CIMIP7: variants seen among roughly 807,000 people sequenced by gnomAD.
CIMIP7 encodes ciliary microtubule inner protein 7.
chr3:49,179,437 C>T, the CIMIP7 span, among the ~76,000 whole-genome samples: 2 of 152,188 alleles, frequency 1.3e-5, no homozygotes, highest in African/African-American at 4.8e-5. Flanking sequence ...ACAGTTCCTC[C>T]TATTTGTGAT....
the CIMIP7 span, among the ~76,000 whole-genome samples, chr3:49,186,738 A>ACACACACG: frequency 6.6e-6 from 1 of 152,002 alleles, no homozygotes; most frequent in Non-Finnish European, 1.5e-5. Flanking sequence ...CTCTTAATAC[A>ACACACACG]CACACACGCA....
the CIMIP7 span, chr3:49,177,956 C>CT: frequency 1.9e-6 from 3 of 1,613,676 alleles, no homozygotes; most frequent in Non-Finnish European, 2.5e-6. Context: ...TGGCGCAACT[C>CT]TATCTCACAG....
chr3:49,178,608 C>T, the CIMIP7 span: 1 of 1,385,380 alleles, frequency 7.2e-7, no homozygotes, highest in Admixed American at 1.9e-5. Context: ...ACCTGGATCA[C>T]TGCCTCAGGG....
At chr3:49,182,747 A>G in the CIMIP7 span, among the ~76,000 whole-genome samples, 1 of 152,148 alleles carries the variant, frequency 6.6e-6, no homozygotes, top group African/African-American at 2.4e-5. Flanking sequence ...CGGGCTGCAC[A>G]GGAGCCCAGG....
the CIMIP7 span, chr3:49,178,479 C>T: frequency 1.2e-6 from 2 of 1,613,320 alleles, no homozygotes; most frequent in South Asian, 1.1e-5. Flanking sequence ...CTTCGGCACT[C>T]ACTTTGTCAA....
At chr3:49,181,953 G>A in the CIMIP7 span, among the ~76,000 whole-genome samples, 1 of 152,268 alleles carries the variant, frequency 6.6e-6, no homozygotes, top group East Asian at 1.9e-4. Context: ...TGGTGGGTTC[G>A]TGGTCTCGCT....
the CIMIP7 span, chr3:49,177,797 C>T: frequency 1.9e-6 from 3 of 1,612,046 alleles, no homozygotes; most frequent in Non-Finnish European, 2.5e-6. Flanking sequence ...TAGTGGCCAC[C>T]CTGGGATGGG....
chr3:49,189,157 T>C, the CIMIP7 span, among the ~76,000 whole-genome samples: 55 of 152,178 alleles, frequency 3.6e-4, no homozygotes, highest in African/African-American at 1.3e-3. Flanking sequence ...TTAGTAGAGA[T>C]GGGGTTTCTC....
At chr3:49,179,468 T>C in the CIMIP7 span, among the ~76,000 whole-genome samples, 1 of 152,180 alleles carries the variant, frequency 6.6e-6, no homozygotes, top group African/African-American at 2.4e-5. Flanking sequence ...ATCATAGTGG[T>C]CTGTGAGACC....
chr3:49,183,195 T>G, the CIMIP7 span, among the ~76,000 whole-genome samples: 1 of 152,302 alleles, frequency 6.6e-6, no homozygotes, highest in Non-Finnish European at 1.5e-5. Context: ...ATATTCATCA[T>G]TAAACATCAG....
At chr3:49,184,738 C>T in the CIMIP7 span, among the ~76,000 whole-genome samples, 1 of 151,330 alleles carries the variant, frequency 6.6e-6, no homozygotes, top group African/African-American at 2.4e-5. Flanking sequence ...AAGCACTTCT[C>T]CTGCCTCAGC....
chr3:49,180,548 G>A, the CIMIP7 span, among the ~76,000 whole-genome samples: 1 of 152,208 alleles, frequency 6.6e-6, no homozygotes, highest in Non-Finnish European at 1.5e-5. Flanking sequence ...GGTAATGGCT[G>A]ACAGCAGGTC....
At chr3:49,188,694 A>G in the CIMIP7 span, among the ~76,000 whole-genome samples, 2 of 152,078 alleles carry the variant, frequency 1.3e-5, no homozygotes, top group African/African-American at 4.8e-5. Context: ...GAATGCCTTT[A>G]TCTGAGGCTG....
the CIMIP7 span, among the ~76,000 whole-genome samples, chr3:49,188,436 C>A: frequency 6.6e-6 from 1 of 152,166 alleles, no homozygotes; most frequent in Non-Finnish European, 1.5e-5. Flanking sequence ...CCACACTAGG[C>A]TCCCTTTGTT....
At chr3:49,187,947 C>T in the CIMIP7 span, among the ~76,000 whole-genome samples, 4 of 152,214 alleles carry the variant, frequency 2.6e-5, no homozygotes, top group South Asian at 4.1e-4. Flanking sequence ...CATTGATCAG[C>T]AGCCAAAACA....
At chr3:49,185,773 C>A in the CIMIP7 span, among the ~76,000 whole-genome samples, 1 of 151,534 alleles carries the variant, frequency 6.6e-6, no homozygotes, top group South Asian at 2.1e-4. Context: ...TCACTGCAAC[C>A]TCTGCCTCCT....
chr3:49,186,086 C>A, the CIMIP7 span, among the ~76,000 whole-genome samples: 2 of 150,286 alleles, frequency 1.3e-5, no homozygotes, highest in Admixed American at 1.3e-4. Flanking sequence ...CCACAACCTC[C>A]GCCTCCCGGG....
chr3:49,188,964 A>ATT, the CIMIP7 span, among the ~76,000 whole-genome samples: 30 of 124,044 alleles, frequency 2.4e-4, no homozygotes, highest in African/African-American at 7.2e-4. Context: ...ATGCCCGGTT[A>ATT]TTTTTTTTTT....
the CIMIP7 span, among the ~76,000 whole-genome samples, chr3:49,181,084 A>G: frequency 6.6e-6 from 1 of 151,632 alleles, no homozygotes; most frequent in African/African-American, 2.4e-5. Context: ...GCTCATGCCT[A>G]TAATCCCAGC....
Sources: gnomAD v4.1 joint callset for allele counts (sites outside exome capture counted in the v4.1 genomes callset) on GRCh38, gnomAD v4.1.1 for gene constraint, MANE v1.5 for transcripts, NCBI Gene and HGNC (gene_info 2026-07-23, HGNC 2026-07-21) for gene names.